Variants in CPQ observed in about 807,000 individuals in gnomAD.
The protein encoded by CPQ is Ser-Met dipeptidase.
In CPQ, 37 loss-of-function variants were observed where a neutral mutation model predicts 45.7. That is an observed-to-expected ratio of 0.81 (90% CI 0.62 to 1.07). The LOEUF is 1.07. Ranked by LOEUF, CPQ falls within the 50% of genes least tolerant of loss-of-function variation. CPQ has a pLI of 0.00. For missense variants in CPQ, 537 were observed against 572.9 expected, an observed-to-expected ratio of 0.94 and a Z score of 0.64; for synonymous variants, 186 against 205.8, an observed-to-expected ratio of 0.90 and a Z score of 0.82.
In CPQ at chr8:96,978,062, C is replaced by A. The variant is rs571340981; in HGVS notation, c.961+12016C>A. On this transcript the variant is annotated intron_variant, in intron 5 of 7. Coordinates refer to ENST00000220763, the MANE Select transcript of CPQ (RefSeq NM_016134.4). ...TTATGGCCATGGGGCATCTGTGACT[C>A]CTCCTCTTTTTCTTTAGAGATGATC... Among the ~76,000 whole-genome samples, 174 of 152,116 alleles carry A rather than the reference C, an allele frequency of 1.1e-3. 2 individuals carry two copies. Among genetic ancestry groups the A allele is most frequent in the Admixed American group, 4.1e-3 (63 of 15,280 alleles).
At chr8:97,047,071 A>G (rs763303708) in intron 6 of CPQ, among the ~76,000 whole-genome samples, 4 of 152,198 alleles carry the variant, frequency 2.6e-5, no homozygotes, top group Non-Finnish European at 5.9e-5. Flanking sequence ...ACAAGTTCTT[A>G]CCATTTAAAA....
intron 5 of CPQ, among the ~76,000 whole-genome samples, chr8:97,012,556 G>A (rs1391144768): frequency 1.3e-5 from 2 of 152,056 alleles, no homozygotes; most frequent in African/African-American, 2.4e-5. Flanking sequence ...TTTCAAAAAC[G>A]GAGTGTTCAC....
chr8:96,689,902 C>A (rs1023905191), intron 1 of CPQ, among the ~76,000 whole-genome samples: 11 of 151,934 alleles, frequency 7.2e-5, no homozygotes, highest in Non-Finnish European at 1.3e-4. Context: ...ACATTTTATT[C>A]TGATCACTTT....
At chr8:96,824,270 C>A (rs1422915734) in intron 2 of CPQ, among the ~76,000 whole-genome samples, 2 of 152,008 alleles carry the variant, frequency 1.3e-5, no homozygotes, top group Non-Finnish European at 2.9e-5. Context: ...GGTCAAGTCT[C>A]AGCTTTCATG....
intron 1 of CPQ, among the ~76,000 whole-genome samples, chr8:96,676,892 G>T (rs531310183): frequency 6.6e-6 from 1 of 152,028 alleles, no homozygotes; most frequent in South Asian, 2.1e-4. Flanking sequence ...CATCCTCATA[G>T]CTTAGCTCCC....
intron 7 of CPQ, among the ~76,000 whole-genome samples, chr8:97,111,857 C>T (rs978193707): frequency 6.6e-6 from 1 of 152,216 alleles, no homozygotes; most frequent in Non-Finnish European, 1.5e-5. Context: ...CTGTCTCACT[C>T]TCTGTCAAAG....
intron 1 of CPQ, among the ~76,000 whole-genome samples, chr8:96,682,577 T>C (rs752395406): frequency 4.6e-5 from 7 of 152,216 alleles, no homozygotes; most frequent in Admixed American, 1.3e-4. Context: ...GGAGTCTGTC[T>C]CTCCCTTTAT....
Position 97,066,164 on chromosome 8 carries a change from T to C in CPQ, c.1209T>C (p.His403=). The C allele has an allele frequency of 1.2e-6, 2 of 1,611,472 alleles. No homozygotes were observed. Among genetic ancestry groups the C allele is most frequent in the East Asian group, 2.2e-5 (1 of 44,836 alleles). The change falls in exon 7 of 8, where the codon CAT becomes CAC. Residue 403 remains histidine, a synonymous_variant. Coordinates refer to ENST00000220763, the MANE Select transcript of CPQ (RefSeq NM_016134.4). The part of the protein sequence containing the change: ...QPLNITQVLS[H]GEGTDINFWI... ...TCAATATCACTCAGGTCCTGAGCCATGGAGAAGGGACAGACATCAACTTTT... is the reference window on the plus strand; with the variant it reads ...TCAATATCACTCAGGTCCTGAGCCACGGAGAAGGGACAGACATCAACTTTT...
intron 1 of CPQ, among the ~76,000 whole-genome samples, chr8:96,655,526 C>T (rs1425121817): frequency 6.6e-6 from 1 of 152,022 alleles, no homozygotes; most frequent in Non-Finnish European, 1.5e-5. Flanking sequence ...AAGGATTTTT[C>T]TGAATCTTTT....
chr8:96,776,557 T>A (rs1361182526), intron 1 of CPQ, among the ~76,000 whole-genome samples: 1 of 152,144 alleles, frequency 6.6e-6, no homozygotes, highest in African/African-American at 2.4e-5. Context: ...CCTGAGACAT[T>A]TTCGAATGAT....
chr8:96,905,513 C>G (rs184217292), intron 4 of CPQ, among the ~76,000 whole-genome samples: 11 of 152,154 alleles, frequency 7.2e-5, no homozygotes, highest in African/African-American at 2.6e-4. Context: ...CAGCTGGTGC[C>G]CATCTGACAA....
chr8:97,095,639 T>C (rs958728034), intron 7 of CPQ, among the ~76,000 whole-genome samples: 5 of 152,212 alleles, frequency 3.3e-5, no homozygotes, highest in Non-Finnish European at 7.3e-5. Flanking sequence ...GACTTAACTC[T>C]GGCCATAGCA....
rs558756392 is a variant in CPQ at position 96,990,483 on chromosome 8, G to C, written c.961+24437G>C. 5.9e-5 allele frequency among the ~76,000 whole-genome samples: 9 copies of C among 152,316 alleles called. No homozygotes were observed. The East Asian group carries it at 1.7e-3, about 29-fold the overall frequency. ...GAATAGTCTTATGTACTGGAAGTTTGAGCTTTTGGGAGGGTAAAAGAAGGG... is the reference window on the plus strand; with the variant it reads ...GAATAGTCTTATGTACTGGAAGTTTCAGCTTTTGGGAGGGTAAAAGAAGGG... On this transcript the variant is annotated intron_variant, in intron 5 of 7. Transcript: ENST00000220763.
intron 3 of CPQ, among the ~76,000 whole-genome samples, chr8:96,840,259 G>A (rs527353376): frequency 3.5e-4 from 54 of 152,284 alleles, no homozygotes; most frequent in Admixed American, 1.5e-3. Flanking sequence ...CTGGAGCCAG[G>A]CCTCCTAGGG....
intron 7 of CPQ, among the ~76,000 whole-genome samples, chr8:97,142,000 A>G (rs1325062546): frequency 6.6e-6 from 1 of 152,200 alleles, no homozygotes; most frequent in Non-Finnish European, 1.5e-5. Context: ...AGTAATTAAG[A>G]GGCAAGACAG....
intron 6 of CPQ, among the ~76,000 whole-genome samples, chr8:97,040,248 T>C (rs1810094245): frequency 6.6e-6 from 1 of 152,226 alleles, no homozygotes; most frequent in African/African-American, 2.4e-5. Flanking sequence ...GGTGAGCATT[T>C]TTTCATGTGT....
intron 3 of CPQ, among the ~76,000 whole-genome samples, chr8:96,852,342 A>AC (rs1811781315): frequency 1.3e-5 from 2 of 151,932 alleles, no homozygotes; most frequent in East Asian, 1.9e-4. Flanking sequence ...ACACACACAC[A>AC]AAAAAAAAGA....
At chr8:96,966,928 A>G (rs1813576317) in intron 5 of CPQ, among the ~76,000 whole-genome samples, 1 of 152,228 alleles carries the variant, frequency 6.6e-6, no homozygotes, top group Admixed American at 6.5e-5. Flanking sequence ...TGGAGTGGGT[A>G]ACCTTCACAC....
chr8:97,097,013 G>A (rs918172564), intron 7 of CPQ, among the ~76,000 whole-genome samples: 1 of 152,174 alleles, frequency 6.6e-6, no homozygotes, highest in Non-Finnish European at 1.5e-5. Flanking sequence ...CTTCATATAT[G>A]AACACAGTAT....
Sources: allele counts gnomAD v4.1 joint callset (sites outside exome capture counted in the v4.1 genomes callset), GRCh38; gene constraint gnomAD v4.1.1; transcripts MANE v1.5; gene names NCBI Gene and HGNC (gene_info 2026-07-23, HGNC 2026-07-21).